Variants in TRAP1 observed in about 807,000 individuals in gnomAD.
The protein encoded by TRAP1 is heat shock protein 75 kDa, mitochondrial.
A neutral mutation model predicts 89.1 loss-of-function variants in TRAP1; 102 were observed. The ratio of observed to expected loss-of-function variants is 1.15; its 90% confidence interval spans 0.98 to 1.35. The LOEUF is 1.35. Among genes scored for constraint, TRAP1 ranks in the 40% most tolerant of loss-of-function variants. TRAP1 has a pLI of 0.00. For missense variants in TRAP1, 1,256 were observed against 945.3 expected, an observed-to-expected ratio of 1.33 and a Z score of -4.31; for synonymous variants, 508 against 388.0, an observed-to-expected ratio of 1.31 and a Z score of -3.64.
chr16:3,678,313 CT>C (rs1022364058), intron 5 of TRAP1: 26 of 152,408 alleles, frequency 1.7e-4, no homozygotes, highest in African/African-American at 6.3e-4. Context: ...ACAATGTCCC[CT>C]TTTATTTAAT....
rs112053497 is a variant in TRAP1 at position 3,688,052 on chromosome 16, G to A, written c.330+1003C>T. Among the ~76,000 whole-genome samples the A allele has an allele frequency of 6.9e-3, 1,046 of 152,244 alleles. 11 individuals carry two copies. Among genetic ancestry groups the A allele is most frequent in the African/African-American group, 0.024 (983 of 41,554 alleles). On this transcript the variant is annotated intron_variant, in intron 3 of 17. Transcript: ENST00000246957. Reference sequence around the variant, plus strand: ...GAAGGCCCTCTGAGCTTTGAAATCTGCTGCTTTACAAACTTTCTTCAGGAC... The same window carrying A: ...GAAGGCCCTCTGAGCTTTGAAATCTACTGCTTTACAAACTTTCTTCAGGAC...
chr16:3,716,416 T>C (rs943276526), intron 1 of TRAP1, among the ~76,000 whole-genome samples: 4 of 152,210 alleles, frequency 2.6e-5, no homozygotes, highest in African/African-American at 9.6e-5. Context: ...TGCAGCATTG[T>C]AATAAAAAGT....
At chr16:3,688,271 G>A (rs564779964) in intron 3 of TRAP1, among the ~76,000 whole-genome samples, 2 of 152,086 alleles carry the variant, frequency 1.3e-5, no homozygotes, top group African/African-American at 4.8e-5. Context: ...AAAGTGCCGG[G>A]ATTACAGGTG....
At position 3,672,682 on chromosome 16, in the gene TRAP1, G is replaced by A. The variant is rs752255487; in HGVS notation, c.1165+18C>T. On this transcript the variant is annotated intron_variant, in intron 10 of 17. Coordinates refer to ENST00000246957, the MANE Select transcript of TRAP1 (RefSeq NM_016292.3). Reference sequence around the variant, plus strand: ...ACTGGGCCACGGGGGCACTGCTCACGGACTCTGAGCAGCGTACCTCGGATG... The same window carrying A: ...ACTGGGCCACGGGGGCACTGCTCACAGACTCTGAGCAGCGTACCTCGGATG... 2.1e-5 allele frequency: 34 copies of A among 1,600,982 alleles called. No homozygotes were observed. Among genetic ancestry groups the A allele is most frequent in the Non-Finnish European group, 2.4e-5 (28 of 1,174,826 alleles).
In TRAP1 at chr16:3,676,020, C is replaced by G; in HGVS notation, c.814+16G>C. 6.2e-6 allele frequency: 10 copies of G among 1,606,262 alleles called. No individual in the cohort carries two copies. The highest frequency in any genetic ancestry group is 8.5e-6 in the Non-Finnish European group (10 of 1,175,780). On this transcript the variant is annotated intron_variant, in intron 7 of 17. Coordinates refer to ENST00000246957, the MANE Select transcript of TRAP1 (RefSeq NM_016292.3). ...CATGGATCCCAGAGTGAGCCTGGGCCCGGGCTCCCGCTCACCTCGCACCCG... is the reference window on the plus strand; with the variant it reads ...CATGGATCCCAGAGTGAGCCTGGGCGCGGGCTCCCGCTCACCTCGCACCCG...
chr16:3,686,411 G>A (rs1481568276), intron 3 of TRAP1, among the ~76,000 whole-genome samples: 1 of 152,090 alleles, frequency 6.6e-6, no homozygotes, highest in African/African-American at 2.4e-5. Flanking sequence ...TTAACCTCCT[G>A]GACCCAAGCA....
chr16:3,658,295 G>GAGAC (rs1372133234), intron 17 of TRAP1, 65 bp from the exon 18 acceptor site: 275 of 1,159,340 alleles, frequency 2.4e-4, no homozygotes, highest in Non-Finnish European at 2.5e-4. Flanking sequence ...TTTTTTTTTT[G>GAGAC]AGACAGAGTC....
chr16:3,706,456 CTT>C (rs34658116), intron 1 of TRAP1, among the ~76,000 whole-genome samples: 93 of 98,964 alleles, frequency 9.4e-4, no homozygotes, highest in African/African-American at 2.0e-3. Context: ...TATTTGCACT[CTT>C]TTTTTTTTTT....
chr16:3,664,354 T>A lies in TRAP1; in HGVS notation c.1489A>T (p.Ile497Phe). Residue 497 changes from isoleucine (I) to phenylalanine (F), a missense_variant, in exon 13 of 18, where the codon ATC becomes TTC. Transcript: ENST00000246957. ...CGGTTGGGGGCGCACAGGTAGTAGA[T>A]GTTGCGGGTGCCGGCCCGCATGCGG... ...ASRMRAGTRN[I>F]YYLCAPNRHL... The A allele has an allele frequency of 6.2e-7, 1 of 1,613,032 alleles. No individual in the cohort carries two copies. Among genetic ancestry groups the A allele is most frequent in the Non-Finnish European group, 8.5e-7 (1 of 1,179,646 alleles).
At chr16:3,697,343 A>C (rs1398236546) in intron 1 of TRAP1, among the ~76,000 whole-genome samples, 1 of 151,956 alleles carries the variant, frequency 6.6e-6, no homozygotes, top group East Asian at 1.9e-4. Flanking sequence ...TCTTCTTCTT[A>C]TTGATTTGTA....
chr16:3,697,156 A>G (rs1454071354), intron 1 of TRAP1, among the ~76,000 whole-genome samples: 9 of 152,168 alleles, frequency 5.9e-5, no homozygotes. Flanking sequence ...CAGTGTTGAG[A>G]TGAAACTCTT....
In TRAP1 at chr16:3,708,258, C is replaced by T. The variant is rs756798064; in HGVS notation, c.88+9163G>A. On this transcript the variant is annotated intron_variant, in intron 1 of 17. Coordinates refer to ENST00000246957, the MANE Select transcript of TRAP1 (RefSeq NM_016292.3). ...ATCACAGCACTTTGGGAGGTGGGGG[C>T]GGGCAGATCCCGAGGTCAAGAGTTT... is the stretch of plus-strand genomic sequence containing the variant. Among the ~76,000 whole-genome samples, 11 of 151,844 alleles carry T rather than the reference C, an allele frequency of 7.2e-5. No homozygotes were observed. The South Asian group carries it at 1.2e-3, about 17-fold the overall frequency.
In TRAP1 at chr16:3,676,107, C is replaced by A; in HGVS notation, c.743G>T (p.Arg248Ile). 1 of 1,613,938 alleles carries A rather than the reference C, an allele frequency of 6.2e-7. No homozygotes were observed. Among genetic ancestry groups the A allele is most frequent in the Non-Finnish European group, 8.5e-7 (1 of 1,179,902 alleles). The change falls in exon 7 of 18, where the codon AGA becomes ATA. Residue 248 changes from arginine to isoleucine, a missense_variant. Physicochemically the swap from Arg to Ile is moderately conservative, Grantham distance 97. Coordinates refer to ENST00000246957, the MANE Select transcript of TRAP1 (RefSeq NM_016292.3). ...GTGGATGATGATTTTTGTCCCGGTTCTAACTCCCGAAGCTTCGGCGATTTC... is the reference window on the plus strand; with the variant it reads ...GTGGATGATGATTTTTGTCCCGGTTATAACTCCCGAAGCTTCGGCGATTTC... ...VFEIAEASGV[R>I]TGTKIIIHLK...
At chr16:3,685,903 T>TA (rs2051131926) in intron 4 of TRAP1, 93 bp downstream of exon 4, 2 of 1,439,312 alleles carry the variant, frequency 1.4e-6, no homozygotes, top group African/African-American at 1.4e-5. Flanking sequence ...GGACGGCCAG[T>TA]ACGTCCCTGG....
intron 5 of TRAP1, among the ~76,000 whole-genome samples, chr16:3,678,749 C>T (rs1441339739): frequency 1.3e-5 from 2 of 152,218 alleles, no homozygotes; most frequent in Non-Finnish European, 2.9e-5. Flanking sequence ...GCGTGAGCCA[C>T]CGCACCCGAC....
At chr16:3,663,596 C>A in intron 13 of TRAP1, 34 bp from the exon 14 acceptor site, 1 of 1,611,282 alleles carries the variant, frequency 6.2e-7, no homozygotes, top group East Asian at 2.2e-5. Context: ...CATCAGACCC[C>A]GGGGGCCTCC....
intron 1 of TRAP1, among the ~76,000 whole-genome samples, chr16:3,692,068 CAGT>C (rs1567238522): frequency 1.3e-5 from 2 of 152,292 alleles, no homozygotes; most frequent in South Asian, 4.1e-4. Context: ...CTGCCTTGGT[CAGT>C]AGATTTGCAA....
intron 4 of TRAP1, among the ~76,000 whole-genome samples, chr16:3,684,387 CTGAGA>C (rs1325213505): frequency 9.9e-5 from 15 of 152,130 alleles, no homozygotes; most frequent in South Asian, 2.1e-4. Context: ...AGCAATGTAG[CTGAGA>C]TATCAGTAGA....
At position 3,662,936 on chromosome 16, in the gene TRAP1, C is replaced by T. The variant is rs768294282; in HGVS notation, c.1740G>A (p.Glu580=). 2.5e-6 allele frequency: 4 copies of T among 1,612,704 alleles called. No individual in the cohort carries two copies. Among genetic ancestry groups the T allele is most frequent in the South Asian group, 2.2e-5 (2 of 91,074 alleles). The change falls in exon 15 of 18, where the codon GAG becomes GAA. Residue 580 remains glutamate, a synonymous_variant. Coordinates refer to ENST00000246957, the MANE Select transcript of TRAP1 (RefSeq NM_016292.3). Reference sequence around the variant, plus strand: ...CATTTCTCATCCAGGCCATGAGCTCCTCCGTCTCCTTCTCTGATAGGCACT... The same window carrying T: ...CATTTCTCATCCAGGCCATGAGCTCTTCCGTCTCCTTCTCTGATAGGCACT... ...AAECLSEKET[E]ELMAWMRNVL...
Sources: allele counts gnomAD v4.1 joint callset (sites outside exome capture counted in the v4.1 genomes callset), GRCh38; gene constraint gnomAD v4.1.1; transcripts MANE v1.5; gene names NCBI Gene and HGNC (gene_info 2026-07-23, HGNC 2026-07-21).